YAP1: variants seen among roughly 807,000 people sequenced by gnomAD.
YAP1 encodes the protein Yes1 associated transcriptional regulator, also known as transcriptional coactivator YAP1.
A neutral mutation model predicts 56.9 loss-of-function variants in YAP1; 5 were observed. The observed-to-expected ratio is 0.09, with a 90% CI of 0.05 to 0.18. YAP1 has a LOEUF of 0.18. YAP1 is among the 10% of genes least tolerant of loss of function. The pLI is 1.00. For synonymous variants in YAP1, 265 were observed against 248.1 expected (o/e 1.07, Z -0.64); for missense variants, 539 against 651.8 (o/e 0.83, Z 1.88).
intron 3 of YAP1, among the ~76,000 whole-genome samples, chr11:102,179,494 G>A (rs767328492): frequency 2.0e-5 from 3 of 151,998 alleles, no homozygotes; most frequent in South Asian, 2.1e-4. Context: ...AAAACGAAGC[G>A]AACTGCTTAT....
chr11:102,209,400 G>A (rs965661207), intron 5 of YAP1, 117 bp from the exon 6 acceptor site: 5 of 908,286 alleles, frequency 5.5e-6, no homozygotes, highest in Non-Finnish European at 8.5e-6. Context: ...CTTCTTCTTG[G>A]GTAGCTTGGG....
At chr11:102,162,975 AT>A (rs376718445) in intron 3 of YAP1, among the ~76,000 whole-genome samples, 1,090 of 89,424 alleles carry the variant, frequency 0.012, 14 homozygotes, top group African/African-American at 0.038. Flanking sequence ...TATTATTATT[AT>A]TTTTTTTTTC....
intron 7 of YAP1, 58 bp downstream of exon 7, chr11:102,223,810 C>G: frequency 6.2e-7 from 1 of 1,600,096 alleles, no homozygotes; most frequent in Non-Finnish European, 8.5e-7. Context: ...TAAAATCATT[C>G]TGCTTAGTGC....
intron 2 of YAP1, among the ~76,000 whole-genome samples, chr11:102,143,591 A>ATAC (rs770848449): frequency 6.6e-6 from 1 of 152,158 alleles, no homozygotes; most frequent in Non-Finnish European, 1.5e-5. Context: ...ATAATGTGTG[A>ATAC]TACTACTACT....
At chr11:102,205,187 T>G (rs1424737037) in intron 4 of YAP1, among the ~76,000 whole-genome samples, 1 of 151,938 alleles carries the variant, frequency 6.6e-6, no homozygotes, top group Non-Finnish European at 1.5e-5. Context: ...GGCTTTGTGC[T>G]GGGGGTTACC....
intron 6 of YAP1, among the ~76,000 whole-genome samples, chr11:102,215,193 A>G (rs147697217): frequency 5.9e-5 from 9 of 152,244 alleles, no homozygotes; most frequent in Non-Finnish European, 1.2e-4. Context: ...ATTTTTTTCT[A>G]TTTTTAGAAT....
chr11:102,110,797 G>A lies in YAP1; in HGVS notation c.-52G>A. ...GCCCGTGGAGCCGGGGCGTCCGGGC[G>A]TAGCCCTCGCTCGCCTGGGTCAGGG... On this transcript the variant is annotated 5_prime_UTR_variant, in exon 1 of 9. Transcript: ENST00000282441. 4 of 1,301,896 alleles carry A rather than the reference G, an allele frequency of 3.1e-6. No homozygotes were observed. The highest frequency in any genetic ancestry group is 2.1e-5 in the South Asian group (1 of 47,638). The allele number at this position is 1,301,896 out of a possible 1,614,324, so 80.6% of individuals were successfully genotyped here. A position where few individuals can be genotyped will look rare whatever the true frequency, so the allele number is the denominator to read the frequency against.
chr11:102,114,255 A>G lies in YAP1; in HGVS notation c.433A>G (p.Thr145Ala), dbSNP rs1363019552. 1.9e-6 allele frequency: 3 copies of G among 1,614,122 alleles called. No homozygotes were observed. The highest frequency in any genetic ancestry group is 3.3e-5 in the Admixed American group (2 of 60,020). ...TGTTTCTCCTGGGACACTGACCCCC[A>G]CTGGAGTAGTCTCTGGCCCAGCAGC... ...GAVSPGTLTP[T>A]GVVSGPAATP... Residue 145 changes from threonine (T) to alanine (A), a missense_variant, in exon 2 of 9, where the codon ACT becomes GCT. Thr to Ala is a moderately conservative substitution (Grantham distance 58). This residue lies in a region of YAP1 where 414 missense variants were observed against 512.4 expected (regional missense o/e 0.81). Coordinates refer to ENST00000282441, the MANE Select transcript of YAP1 (RefSeq NM_001130145.3).
chr11:102,198,686 C>T (rs1330603912), intron 4 of YAP1, among the ~76,000 whole-genome samples: 2 of 151,950 alleles, frequency 1.3e-5, no homozygotes, highest in Non-Finnish European at 2.9e-5. Context: ...AGTTGTTTGC[C>T]TTGGGCCTCA....
chr11:102,160,360 G>A (rs1015027774), intron 2 of YAP1, among the ~76,000 whole-genome samples: 2 of 152,132 alleles, frequency 1.3e-5, no homozygotes, highest in African/African-American at 4.8e-5. Context: ...CCAACTTAAA[G>A]GTGTAGAAAT....
chr11:102,119,932 G>A (rs1478344235), intron 2 of YAP1, among the ~76,000 whole-genome samples: 1 of 152,154 alleles, frequency 6.6e-6, no homozygotes, highest in African/African-American at 2.4e-5. Context: ...GCTACCCTCT[G>A]TAATAGCATA....
chr11:102,211,969 C>G (rs1203663074), intron 6 of YAP1, among the ~76,000 whole-genome samples: 1 of 152,188 alleles, frequency 6.6e-6, no homozygotes, highest in African/African-American at 2.4e-5. Context: ...TCCCAAAGCA[C>G]TGGTATTACA....
intron 2 of YAP1, among the ~76,000 whole-genome samples, chr11:102,128,452 C>T (rs1490609064): frequency 6.6e-6 from 1 of 152,216 alleles, no homozygotes; most frequent in Non-Finnish European, 1.5e-5. Context: ...TCTCACCTTC[C>T]ACCATGATCC....
At chr11:102,183,702 CTGTGTGTGTGTG>C (rs140546191) in intron 3 of YAP1, among the ~76,000 whole-genome samples, 2,879 of 141,798 alleles carry the variant, frequency 0.02, 39 homozygotes, top group Non-Finnish European at 0.03. Flanking sequence ...AATGCTGTTT[CTGTGTGTGTGTG>C]TGTGTGTGTG....
At chr11:102,124,687 C>A (rs911457555) in intron 2 of YAP1, among the ~76,000 whole-genome samples, 6 of 152,030 alleles carry the variant, frequency 3.9e-5, no homozygotes, top group Admixed American at 3.3e-4. Context: ...TCTGGGAGAT[C>A]CCTTCAACTT....
At chr11:102,149,391 C>G (rs1237657991) in intron 2 of YAP1, among the ~76,000 whole-genome samples, 1 of 152,014 alleles carries the variant, frequency 6.6e-6, no homozygotes, top group Non-Finnish European at 1.5e-5. Flanking sequence ...AGGATACCTT[C>G]AAGAGAGAAA....
At chr11:102,160,454 A>G (rs552750679) in intron 2 of YAP1, among the ~76,000 whole-genome samples, 105 of 152,324 alleles carry the variant, frequency 6.9e-4, no homozygotes, top group Admixed American at 1.5e-3. Context: ...TATTATGTAT[A>G]TTACATGTAG....
chr11:102,197,113 A>G (rs1948613849), intron 4 of YAP1, among the ~76,000 whole-genome samples: 1 of 152,214 alleles, frequency 6.6e-6, no homozygotes, highest in Non-Finnish European at 1.5e-5. Flanking sequence ...TTAGAAGAAC[A>G]TTAATTTCTT....
At chr11:102,114,679 C>T (rs1943165612) in intron 2 of YAP1, among the ~76,000 whole-genome samples, 1 of 151,990 alleles carries the variant, frequency 6.6e-6, no homozygotes, top group Non-Finnish European at 1.5e-5. Context: ...TGAGCTTGTG[C>T]CAAACCTTTT....
Sources: gnomAD v4.1 joint callset for allele counts (sites outside exome capture counted in the v4.1 genomes callset) on GRCh38, gnomAD v4.1.1 for gene constraint, gnomAD v4.1.1 regional missense constraint, MANE v1.5 for transcripts, NCBI Gene and HGNC (gene_info 2026-07-23, HGNC 2026-07-21) for gene names.